The following LINGO2 variants were observed in gnomAD, a reference collection of about 807,000 sequenced individuals.
LINGO2 encodes the protein leucine rich repeat and Ig domain containing 2.
In LINGO2, 14 loss-of-function variants were observed where a neutral mutation model predicts 30.6. The ratio of observed to expected loss-of-function variants is 0.46; its 90% CI spans 0.30 to 0.72. LINGO2 has a LOEUF of 0.72. Ranked by LOEUF, LINGO2 falls within the 30% of genes least tolerant of loss-of-function variation. The pLI is 0.07. For synonymous variants in LINGO2, 317 were observed against 288.5 expected, an observed-to-expected ratio of 1.10 and a Z score of -1.00; for missense variants, 729 against 751.7, an observed-to-expected ratio of 0.97 and a Z score of 0.35.
the LINGO2 span, among the ~76,000 whole-genome samples, chr9:28,991,538 A>G: frequency 1.6e-5 from 2 of 128,270 alleles, no homozygotes; most frequent in Non-Finnish European, 3.3e-5. Flanking sequence ...CTCCTCGAGA[A>G]GAGCAACTCC....
intron 4 of LINGO2, among the ~76,000 whole-genome samples, chr9:28,090,453 A>C (rs1826045950): frequency 6.6e-6 from 1 of 152,170 alleles, no homozygotes; most frequent in Admixed American, 6.5e-5. Context: ...ACAGAACCAA[A>C]GACAAAAAAC....
intron 4 of LINGO2, among the ~76,000 whole-genome samples, chr9:28,077,555 G>T (rs955022727): frequency 1.3e-5 from 2 of 149,816 alleles, no homozygotes; most frequent in Non-Finnish European, 2.9e-5. Context: ...TTAAGTAAAT[G>T]CATCAAAACT....
the LINGO2 span, among the ~76,000 whole-genome samples, chr9:28,861,530 T>G: frequency 6.6e-6 from 1 of 150,466 alleles, no homozygotes; most frequent in Non-Finnish European, 1.5e-5. Flanking sequence ...CATGTTCTAC[T>G]CATAACTGCA....
intron 2 of LINGO2, among the ~76,000 whole-genome samples, chr9:28,413,593 T>TGG (rs1822855317): frequency 6.6e-6 from 1 of 152,094 alleles, no homozygotes; most frequent in Admixed American, 6.6e-5. Flanking sequence ...GAAGAGACTC[T>TGG]TACTGTCATC....
intron 4 of LINGO2, among the ~76,000 whole-genome samples, chr9:28,153,152 A>G (rs1828044202): frequency 6.6e-6 from 1 of 152,134 alleles, no homozygotes; most frequent in African/African-American, 2.4e-5. Flanking sequence ...AATTTGCACA[A>G]TTTCCCAAAA....
chr9:28,598,449 A>G (rs1428539529), intron 1 of LINGO2, among the ~76,000 whole-genome samples: 2 of 145,652 alleles, frequency 1.4e-5, no homozygotes, highest in African/African-American at 5.2e-5. Flanking sequence ...ACAAACAAAC[A>G]AACAAAAAAA....
the LINGO2 span, among the ~76,000 whole-genome samples, chr9:28,964,604 T>C: frequency 1.3e-4 from 20 of 151,912 alleles, 1 homozygote; most frequent in Admixed American, 3.9e-4. Flanking sequence ...AGTCAGATTC[T>C]AGTTTTAAAC....
the LINGO2 span, among the ~76,000 whole-genome samples, chr9:29,086,697 T>C: frequency 1.3e-5 from 2 of 152,204 alleles, no homozygotes; most frequent in South Asian, 4.1e-4. Flanking sequence ...TTCATTAATG[T>C]ATTTCCAAAC....
At chr9:28,624,335 T>G (rs1312198991) in intron 1 of LINGO2, among the ~76,000 whole-genome samples, 1 of 152,040 alleles carries the variant, frequency 6.6e-6, no homozygotes, top group African/African-American at 2.4e-5. Flanking sequence ...TTTTTTATAT[T>G]GGGGTGTGTT....
the LINGO2 span, among the ~76,000 whole-genome samples, chr9:28,744,838 T>A: frequency 6.6e-6 from 1 of 151,808 alleles, no homozygotes; most frequent in Non-Finnish European, 1.5e-5. Flanking sequence ...GGTTTCATCA[T>A]GTTGGACAGG....
intron 4 of LINGO2, among the ~76,000 whole-genome samples, chr9:28,179,382 T>G (rs1243762942): frequency 1.5e-5 from 2 of 132,758 alleles, no homozygotes; most frequent in East Asian, 2.2e-4. Flanking sequence ...TTATGCTATA[T>G]ATAGTATATA....
At chr9:28,479,949 A>ATATATG (rs1825890164) in intron 1 of LINGO2, among the ~76,000 whole-genome samples, 1 of 122,972 alleles carries the variant, frequency 8.1e-6, no homozygotes, top group South Asian at 2.7e-4. Flanking sequence ...ATATATATAT[A>ATATATG]TATATATGTA....
intron 2 of LINGO2, among the ~76,000 whole-genome samples, chr9:28,422,495 T>A (rs1464286363): frequency 6.7e-6 from 1 of 148,594 alleles, no homozygotes; most frequent in East Asian, 2.1e-4. Flanking sequence ...CTAGGATGGC[T>A]ACTATTAAAA....
chr9:28,586,506 T>C (rs1824548977), intron 1 of LINGO2, among the ~76,000 whole-genome samples: 2 of 152,182 alleles, frequency 1.3e-5, no homozygotes, highest in African/African-American at 4.8e-5. Context: ...TGAATAATGT[T>C]TAGAAATTGC....
At chr9:28,343,630 A>G (rs1819450634) in intron 3 of LINGO2, among the ~76,000 whole-genome samples, 1 of 152,142 alleles carries the variant, frequency 6.6e-6, no homozygotes, top group Admixed American at 6.6e-5. Flanking sequence ...ATAATAGGAA[A>G]AAACATCCAT....
the LINGO2 span, among the ~76,000 whole-genome samples, chr9:28,708,974 T>C: frequency 9.2e-5 from 14 of 152,146 alleles, no homozygotes; most frequent in African/African-American, 3.1e-4. Context: ...ATGACTATCA[T>C]GCTACAATTA....
intron 1 of LINGO2, among the ~76,000 whole-genome samples, chr9:28,573,947 G>C (rs1211919181): frequency 1.3e-5 from 2 of 151,944 alleles, no homozygotes; most frequent in African/African-American, 4.8e-5. Flanking sequence ...ATTTAGATGA[G>C]AGGCAGTCAG....
the LINGO2 span, among the ~76,000 whole-genome samples, chr9:28,684,819 A>T: frequency 6.6e-6 from 1 of 151,792 alleles, no homozygotes. Context: ...GCACCTGGAC[A>T]TTTTTTTCTT....
chr9:28,861,270 T>C, the LINGO2 span, among the ~76,000 whole-genome samples: 2 of 122,972 alleles, frequency 1.6e-5, no homozygotes, highest in South Asian at 2.2e-4. Flanking sequence ...ATAAAATATA[T>C]AATATTTATA....
Sources: allele counts gnomAD v4.1 joint callset (sites outside exome capture counted in the v4.1 genomes callset), GRCh38; gene constraint gnomAD v4.1.1; transcripts MANE v1.5; gene names NCBI Gene and HGNC (gene_info 2026-07-23, HGNC 2026-07-21).